XPO5: variants seen among roughly 807,000 people sequenced by gnomAD.
XPO5 encodes the protein exportin-5.
Under a neutral mutation model 160.6 loss-of-function variants are expected in XPO5, and 46 were observed. That is an observed-to-expected ratio of 0.29 (90% CI 0.23 to 0.37). XPO5 has a LOEUF of 0.37. Ranked by LOEUF, XPO5 falls within the 10% of genes least tolerant of loss-of-function variation. The pLI is 1.00. For missense variants in XPO5, 1,090 were observed against 1,463.9 expected (o/e 0.74, Z 4.17); for synonymous variants, 537 against 519.3 (o/e 1.03, Z -0.46).
rs566907079 is a variant in XPO5, at chr6:43,522,516, A to G, written c.*1352T>C. 1 of 223,596 alleles carries G rather than the reference A, an allele frequency of 4.5e-6. No individual in the cohort carries two copies. The highest frequency in any genetic ancestry group is 1.3e-4 in the East Asian group (1 of 7,814). 13.9% of individuals were successfully genotyped at this position (223,596 alleles called of 1,614,324 possible). ...CCCAACCAGACAGGAATAGGCAGCTATCAGGTTTGGAGGGAAACACTCTTG... is the reference window on the plus strand; with the variant it reads ...CCCAACCAGACAGGAATAGGCAGCTGTCAGGTTTGGAGGGAAACACTCTTG... On this transcript the variant is annotated 3_prime_UTR_variant, in exon 32 of 32. Coordinates refer to ENST00000265351, the MANE Select transcript of XPO5 (RefSeq NM_020750.3).
intron 26 of XPO5, 58 bp downstream of exon 26, chr6:43,527,576 C>T (rs994597747): frequency 2.5e-5 from 39 of 1,571,972 alleles, no homozygotes; most frequent in African/African-American, 4.1e-5. Flanking sequence ...GTTGGCTGAG[C>T]GACCAGCTCT....
chr6:43,567,134 G>C (rs1199364500), intron 7 of XPO5, 35 bp downstream of exon 7: 7 of 1,581,720 alleles, frequency 4.4e-6, no homozygotes, highest in Non-Finnish European at 5.2e-6. Flanking sequence ...CTACTTCAGA[G>C]ACTGAGGATA....
chr6:43,575,141 G>C (rs976001377), intron 1 of XPO5, among the ~76,000 whole-genome samples: 1 of 152,354 alleles, frequency 6.6e-6, no homozygotes, highest in East Asian at 1.9e-4. Flanking sequence ...AAAATGCAAA[G>C]TAAGTGGTAG....
chr6:43,526,870 G>A (rs570138377), intron 26 of XPO5, 123 bp from the exon 27 acceptor site: 12 of 933,392 alleles, frequency 1.3e-5, no homozygotes, highest in African/African-American at 8.2e-5. Flanking sequence ...TGGGGGTACC[G>A]TCCAAGGCAC....
At chr6:43,564,444 G>C (rs1237640) in intron 8 of XPO5, among the ~76,000 whole-genome samples, 243 of 151,930 alleles carry the variant, frequency 1.6e-3, no homozygotes, top group African/African-American at 5.5e-3. Context: ...CAGGAGAATC[G>C]CTTGAACCCG....
intron 20 of XPO5, among the ~76,000 whole-genome samples, chr6:43,545,632 G>T (rs1331489356): frequency 6.6e-6 from 1 of 152,082 alleles, no homozygotes; most frequent in East Asian, 1.9e-4. Flanking sequence ...GCTTAAGCCT[G>T]GGAGGCGGAG....
intron 5 of XPO5, among the ~76,000 whole-genome samples, chr6:43,569,997 C>T (rs978920063): frequency 6.9e-6 from 1 of 144,680 alleles, no homozygotes; most frequent in African/African-American, 2.6e-5. Context: ...AAGCCGAGAT[C>T]CCTATCTTTT....
chr6:43,534,828 T>C (rs899606804), intron 20 of XPO5, among the ~76,000 whole-genome samples: 1 of 152,028 alleles, frequency 6.6e-6, no homozygotes, highest in African/African-American at 2.4e-5. Context: ...GGAAACCCTG[T>C]CTCTACTAAA....
chr6:43,529,580 A>T (rs1960198), intron 23 of XPO5: 28,262 of 180,898 alleles, frequency 0.16, 5,469 homozygotes, highest in African/African-American at 0.5. Flanking sequence ...AAAAGAAAGA[A>T]AGAGATTCAA....
chr6:43,575,060 T>C (rs757608361), intron 1 of XPO5, among the ~76,000 whole-genome samples: 50 of 152,146 alleles, frequency 3.3e-4, no homozygotes, highest in Admixed American at 1.7e-3. Context: ...AACTGCAACA[T>C]AAGTCAGTCC....
rs1430958499 is a variant in XPO5 at position 43,572,506 on chromosome 6, A to G, written c.300T>C (p.Asn100=). Residue 100 remains asparagine, a splice_region_variant and synonymous_variant, in exon 3 of 32, where the codon AAT becomes AAC. Coordinates refer to ENST00000265351, the MANE Select transcript of XPO5 (RefSeq NM_020750.3). ...TGTCTCCCAACCACCCATTCCTTACATTTGCAATCAGCTCCATGACACTGT... is the reference window on the plus strand; with the variant it reads ...TGTCTCCCAACCACCCATTCCTTACGTTTGCAATCAGCTCCATGACACTGT... ...LKNSVMELIA[N]GTLNILEEEN... is the part of the protein sequence containing the mutation. The G allele has an allele frequency of 2.5e-6, 4 of 1,613,714 alleles. No individual in the cohort carries two copies. In the African/African-American group the frequency reaches 5.3e-5, roughly 22 times the overall value.
Position 43,571,010 on chromosome 6 carries a change from A to T in XPO5, c.301-16T>A. 6.2e-7 allele frequency: 1 copy of T among 1,604,718 alleles called. No individual in the cohort carries two copies. Among genetic ancestry groups the T allele is most frequent in the Non-Finnish European group, 8.5e-7 (1 of 1,176,276 alleles). On this transcript the variant is annotated splice_polypyrimidine_tract_variant and intron_variant, in intron 3 of 31. Transcript: ENST00000265351. ...TCAATGTTCCCTGAAAAAGAACAAG[A>T]GATATTAAGAGATATGCAAGACTGG...
chr6:43,524,900 C>T lies in XPO5; in HGVS notation c.3243G>A (p.Gln1081=), dbSNP rs1793461942. ...WLFTSVLKGL[Q]MHGQHDGCMA... is the part of the protein sequence containing the mutation. ...TGCACCCGTCGTGCTGCCCGTGCAT[C>T]TGTAAGCCTTTCAGCACACTGGTGA... The change falls in exon 30 of 32, where the codon CAG becomes CAA. Residue 1081 remains glutamine, a synonymous_variant. Transcript: ENST00000265351. The T allele has an allele frequency of 6.2e-7, 1 of 1,613,922 alleles. No individual in the cohort carries two copies. The highest frequency in any genetic ancestry group is 1.1e-5 in the South Asian group (1 of 91,094).
chr6:43,545,508 A>C lies in XPO5; in HGVS notation c.2342+1063T>G, dbSNP rs549489886. Among the ~76,000 whole-genome samples, 32 of 152,162 alleles carry C rather than the reference A, an allele frequency of 2.1e-4. No homozygotes were observed. The East Asian group carries it at 5.9e-3, about 28-fold the overall frequency. Reference sequence around the variant, plus strand: ...GATCACTTGCGGCCAGGAGTTCGAGACCAGCCTGGCTAACATGGCGAAGCC... The same window carrying C: ...GATCACTTGCGGCCAGGAGTTCGAGCCCAGCCTGGCTAACATGGCGAAGCC... On this transcript the variant is annotated intron_variant, in intron 20 of 31. Transcript: ENST00000265351.
chr6:43,575,141 G>A (rs976001377), intron 1 of XPO5, among the ~76,000 whole-genome samples: 2 of 152,236 alleles, frequency 1.3e-5, no homozygotes, highest in Non-Finnish European at 2.9e-5. Context: ...AAAATGCAAA[G>A]TAAGTGGTAG....
chr6:43,574,289 G>T (rs910400066), intron 1 of XPO5, among the ~76,000 whole-genome samples: 3 of 152,034 alleles, frequency 2.0e-5, no homozygotes, highest in African/African-American at 7.2e-5. Flanking sequence ...GACAACCAGA[G>T]TGAGACCCTA....
At chr6:43,539,659 ACCAGGGCCT>A (rs1794577603) in intron 20 of XPO5, 2 of 1,177,832 alleles carry the variant, frequency 1.7e-6, no homozygotes, top group Non-Finnish European at 2.4e-6. Flanking sequence ...TCCCAGGGCC[ACCAGGGCCT>A]CCAGGCCCCC....
chr6:43,556,970 A>G (rs1296388766), intron 12 of XPO5, among the ~76,000 whole-genome samples: 2 of 152,112 alleles, frequency 1.3e-5, no homozygotes, highest in Non-Finnish European at 2.9e-5. Context: ...TCTACTAAAA[A>G]TAAAACAATT....
At position 43,575,630 on chromosome 6, in the gene XPO5, C is replaced by G. The variant is rs1371680914; in HGVS notation, c.105+130G>C. ...GCGCGGAGGGCCGCGAGGGGAAGGT[C>G]CCGGGGAGTTGGGAAAGGAGGTCCA... is the stretch of plus-strand genomic sequence containing the variant. On this transcript the variant is annotated intron_variant, in intron 1 of 31. Coordinates refer to ENST00000265351, the MANE Select transcript of XPO5 (RefSeq NM_020750.3). 3 of 760,870 alleles carry G rather than the reference C, an allele frequency of 3.9e-6. No individual in the cohort carries two copies. In the Admixed American group the frequency reaches 8.3e-5, roughly 21 times the overall value. The allele number at this position is 760,870 out of a possible 1,614,324, so 47.1% of individuals were successfully genotyped here.
Sources: gnomAD v4.1 joint callset for allele counts (sites outside exome capture counted in the v4.1 genomes callset) on GRCh38, gnomAD v4.1.1 for gene constraint, MANE v1.5 for transcripts, NCBI Gene and HGNC (gene_info 2026-07-23, HGNC 2026-07-21) for gene names.